The following NEB variants were observed in gnomAD, a reference collection of about 807,000 sequenced individuals.
NEB encodes nemaline myopathy type 2.
A neutral mutation model predicts 952.2 loss-of-function variants in NEB; 512 were observed. The observed-to-expected ratio is 0.54, with a 90% CI of 0.50 to 0.58. The LOEUF is 0.58. Ranked by LOEUF, NEB falls within the 20% of genes least tolerant of loss-of-function variation. The probability of loss-of-function intolerance (pLI) is 0.00; values close to 1 mark genes in which losing one functional copy is unlikely to be tolerated. For missense variants in NEB, 8,428 were observed against 9,231.1 expected (o/e 0.91, Z 3.56); for synonymous variants, 2,900 against 3,149.8 (o/e 0.92, Z 2.66).
Position 151,581,477 on chromosome 2 carries a change from T to C in NEB, c.16284+6A>G, listed in dbSNP as rs573898757. 858 of 795,250 alleles carry C rather than the reference T, an allele frequency of 1.1e-3. 8 individuals carry two copies. The African/African-American group carries it at 0.013, about 12-fold the overall frequency. 49.3% of individuals were successfully genotyped at this position (795,250 alleles called of 1,614,324 possible). On this transcript the variant is annotated splice_donor_region_variant and intron_variant, in intron 103 of 181. Transcript: ENST00000397345. ...TGTGAAAAGCAAATGATGTGTGCTG[T>C]CTTACATTGCTGATCTGCAGGGCAT...
intron 67 of NEB, among the ~76,000 whole-genome samples, 157 bp from the exon 68 acceptor site, chr2:151,629,803 A>G (rs1482898022): frequency 2.0e-5 from 3 of 152,198 alleles, no homozygotes; most frequent in Non-Finnish European, 2.9e-5. Context: ...ATATTCTACC[A>G]AAAATACTAT....
chr2:151,697,327 C>G, intron 15 of NEB, 23 bp downstream of exon 15: 1 of 1,611,556 alleles, frequency 6.2e-7, no homozygotes, highest in Non-Finnish European at 8.5e-7. Flanking sequence ...TTTGGAAAGT[C>G]AAACAATTGT....
chr2:151,726,562 C>T (rs2099791067), intron 5 of NEB, among the ~76,000 whole-genome samples: 1 of 152,106 alleles, frequency 6.6e-6, no homozygotes, highest in Admixed American at 6.6e-5. Flanking sequence ...AGACCTCAGC[C>T]CACCATGGAC....
At chr2:151,549,592 C>T (rs1390868999) in intron 130 of NEB, 44 bp downstream of exon 130, 2 of 1,289,852 alleles carry the variant, frequency 1.6e-6, no homozygotes, top group East Asian at 2.5e-5. Flanking sequence ...AGTCTCCTGC[C>T]ACCCCACCTT....
intron 37 of NEB, among the ~76,000 whole-genome samples, chr2:151,672,122 A>C (rs543192540): frequency 1.3e-5 from 2 of 152,342 alleles, no homozygotes; most frequent in Admixed American, 1.3e-4. Context: ...TGGCTCTCAT[A>C]GTTAGTGGAA....
chr2:151,540,368 C>T lies in NEB; in HGVS notation c.20868G>A (p.Lys6956=), dbSNP rs1200370801. Residue 6956 remains lysine, a synonymous_variant, in exon 138 of 182, where the codon AAG becomes AAA. Coordinates refer to ENST00000397345, the MANE Select transcript of NEB (RefSeq NM_001164508.2). ...VPDTPILIRA[K]RAYWNASDLR... Reference sequence around the variant, plus strand: ...CATCACTGGCATTCCAGTAAGCCCTCTTGGCTCTGATGAGGATTGGCGTAT... The same window carrying T: ...CATCACTGGCATTCCAGTAAGCCCTTTTGGCTCTGATGAGGATTGGCGTAT... 1 of 1,583,556 alleles carries T rather than the reference C, an allele frequency of 6.3e-7. No homozygotes were observed. Among genetic ancestry groups the T allele is most frequent in the Admixed American group, 1.8e-5 (1 of 55,986 alleles).
intron 161 of NEB, 98 bp downstream of exon 161, chr2:151,512,635 A>C (rs1280855345): frequency 1.1e-6 from 1 of 920,508 alleles, no homozygotes; most frequent in Non-Finnish European, 1.7e-6. Flanking sequence ...TATTGGGAAA[A>C]ACTGATCTGA....
At chr2:151,727,053 T>TAAAA (rs796713907) in intron 5 of NEB, among the ~76,000 whole-genome samples, 5 of 124,842 alleles carry the variant, frequency 4.0e-5, no homozygotes, top group African/African-American at 5.9e-5. Context: ...TTCTGTTTCT[T>TAAAA]AAAAAAAAAA....
intron 115 of NEB, 36 bp downstream of exon 115, chr2:151,565,680 C>T: frequency 1.3e-6 from 2 of 1,586,300 alleles, no homozygotes; most frequent in Non-Finnish European, 1.7e-6. Flanking sequence ...GGTAGGAGGA[C>T]AGGCATAGGT....
At chr2:151,649,867 C>T (rs1331301809) in intron 54 of NEB, among the ~76,000 whole-genome samples, 2 of 152,078 alleles carry the variant, frequency 1.3e-5, no homozygotes, top group Non-Finnish European at 2.9e-5. Context: ...TATACTCTAC[C>T]CCAACAAAAA....
rs762852030 is a variant in NEB at position 151,724,275 on chromosome 2, G to A, written c.597C>T (p.Thr199=). The change falls in exon 8 of 182, where the codon ACC becomes ACT. Residue 199 remains threonine, a synonymous_variant. Coordinates refer to ENST00000397345, the MANE Select transcript of NEB (RefSeq NM_001164508.2). ...AGACCCTTACCTTGCTGAACATGGC[G>A]GTGTTCTTAACGGCCTGGACAAGTT... ...APELVQAVKN[T]AMFSKKLYTE... The A allele has an allele frequency of 2.4e-5, 38 of 1,612,480 alleles. No homozygotes were observed. Among genetic ancestry groups the A allele is most frequent in the Middle Eastern group, 3.3e-4 (2 of 6,078 alleles).
chr2:151,674,377 A>T, intron 36 of NEB, 100 bp downstream of exon 36: 2 of 937,164 alleles, frequency 2.1e-6, no homozygotes, highest in Admixed American at 2.0e-5. Context: ...AAATGCCATT[A>T]ATTTAACATA....
intron 161 of NEB, among the ~76,000 whole-genome samples, chr2:151,509,677 G>C (rs1472846703): frequency 6.6e-6 from 1 of 152,098 alleles, no homozygotes; most frequent in Non-Finnish European, 1.5e-5. Flanking sequence ...CTCCAGGCTA[G>C]AGTCCAGTGA....
chr2:151,718,641 TG>T (rs2099765913), intron 9 of NEB, among the ~76,000 whole-genome samples: 1 of 152,204 alleles, frequency 6.6e-6, no homozygotes, highest in African/African-American at 2.4e-5. Context: ...GAATGACTCC[TG>T]CACCCAGGGT....
chr2:151,569,969 T>A, intron 109 of NEB, 112 bp downstream of exon 109: 1 of 1,087,136 alleles, frequency 9.2e-7, no homozygotes, highest in South Asian at 1.7e-5. Flanking sequence ...TAATATTAAA[T>A]TCTTGGTGAT....
intron 132 of NEB, 42 bp from the exon 133 acceptor site, chr2:151,547,575 C>T (rs375851843): frequency 5.6e-6 from 9 of 1,598,704 alleles, no homozygotes; most frequent in African/African-American, 2.7e-5. Flanking sequence ...TATTAGAGAC[C>T]GAATGATTAA....
At chr2:151,661,950 T>C (rs747035666) in intron 46 of NEB, among the ~76,000 whole-genome samples, 185 bp downstream of exon 46, 4 of 152,246 alleles carry the variant, frequency 2.6e-5, no homozygotes, top group Non-Finnish European at 5.9e-5. Flanking sequence ...CATTGAAGAT[T>C]TGAAGACTAC....
chr2:151,505,213 A>T (rs1032298984), intron 165 of NEB, among the ~76,000 whole-genome samples: 3 of 152,158 alleles, frequency 2.0e-5, no homozygotes, highest in Non-Finnish European at 4.4e-5. Context: ...TGGCATGATA[A>T]TTAATTAAGA....
chr2:151,578,877 T>G (rs1487906582), intron 105 of NEB, among the ~76,000 whole-genome samples: 1 of 150,174 alleles, frequency 6.7e-6, no homozygotes, highest in Admixed American at 6.6e-5. Context: ...CGGTCAGGAG[T>G]TCAAAACCAG....
Sources: allele counts gnomAD v4.1 joint callset (sites outside exome capture counted in the v4.1 genomes callset), GRCh38; gene constraint gnomAD v4.1.1; transcripts MANE v1.5; gene names NCBI Gene and HGNC (gene_info 2026-07-23, HGNC 2026-07-21).